BLTP1: variants seen among roughly 807,000 people sequenced by gnomAD.
BLTP1 encodes bridge-like lipid transfer protein family member 1, also known as fragile site-associated protein.
chr4:122,247,545 A>G, the BLTP1 span: 1 of 1,041,612 alleles, frequency 9.6e-7, no homozygotes, highest in South Asian at 1.9e-5. Flanking sequence ...TGTACAGAAT[A>G]GAAAATAAAC....
At chr4:122,228,436 A>C in the BLTP1 span, among the ~76,000 whole-genome samples, 2 of 152,082 alleles carry the variant, frequency 1.3e-5, no homozygotes, top group South Asian at 4.1e-4. Context: ...CCATTCTGTC[A>C]CTTCAGTTTG....
the BLTP1 span, chr4:122,247,080 G>T: frequency 6.8e-7 from 1 of 1,463,488 alleles, no homozygotes; most frequent in Non-Finnish European, 9.3e-7. Flanking sequence ...TTTTTTAAAG[G>T]AAACCTTTTA....
At chr4:122,311,986 C>T in the BLTP1 span, among the ~76,000 whole-genome samples, 1 of 152,116 alleles carries the variant, frequency 6.6e-6, no homozygotes, top group South Asian at 2.1e-4. Flanking sequence ...CTTATTAATT[C>T]ATCGTGGCTC....
chr4:122,314,668 C>T, the BLTP1 span, among the ~76,000 whole-genome samples: 3 of 152,124 alleles, frequency 2.0e-5, no homozygotes, highest in African/African-American at 4.8e-5. Flanking sequence ...CCTTAGTGCT[C>T]ATCCTAAGTT....
the BLTP1 span, chr4:122,273,239 A>C: frequency 1.4e-5 from 14 of 970,582 alleles, no homozygotes; most frequent in Non-Finnish European, 1.7e-5. Context: ...CTTTGAACCT[A>C]CTTTTTGTTA....
chr4:122,182,646 G>A, the BLTP1 span: 4 of 985,338 alleles, frequency 4.1e-6, no homozygotes, highest in Non-Finnish European at 4.8e-6. Context: ...TGACAAATGG[G>A]CAGAACTTTA....
At chr4:122,277,592 T>C in the BLTP1 span, 2 of 951,832 alleles carry the variant, frequency 2.1e-6, no homozygotes, top group East Asian at 2.3e-4. Context: ...CTTTGCTTTA[T>C]ATCTGTACTA....
chr4:122,314,122 C>A, the BLTP1 span: 1 of 984,546 alleles, frequency 1.0e-6, no homozygotes, highest in Admixed American at 6.2e-5. Context: ...CATGGAGGGA[C>A]AAACATTTAA....
chr4:122,246,580 A>T, the BLTP1 span: 106 of 1,344,422 alleles, frequency 7.9e-5, no homozygotes, highest in Non-Finnish European at 1.0e-4. Flanking sequence ...TGTCAAATAC[A>T]TAGATATGCC....
the BLTP1 span, chr4:122,262,626 C>T: frequency 9.9e-7 from 1 of 1,007,462 alleles, no homozygotes; most frequent in East Asian, 2.6e-5. Flanking sequence ...CACCACAATC[C>T]TAGTATACAT....
the BLTP1 span, chr4:122,210,844 C>G: frequency 6.3e-7 from 1 of 1,595,988 alleles, no homozygotes; most frequent in Admixed American, 1.7e-5. Context: ...CTTTTGTCCC[C>G]CACCCCTCAA....
chr4:122,271,229 A>G, the BLTP1 span: 2 of 1,613,944 alleles, frequency 1.2e-6, no homozygotes, highest in Non-Finnish European at 1.7e-6. Context: ...GCATGTAGAT[A>G]TGGCTTTGGT....
At chr4:122,200,162 A>T in the BLTP1 span, 88 of 906,528 alleles carry the variant, frequency 9.7e-5, 1 homozygote, top group South Asian at 3.8e-3. Context: ...GGAATATATA[A>T]AATACTATAA....
the BLTP1 span, chr4:122,153,026 T>G: frequency 1.0e-6 from 1 of 985,398 alleles, no homozygotes; most frequent in East Asian, 1.1e-4. Context: ...TCTCTGGGAT[T>G]GATGTGTTTT....
the BLTP1 span, chr4:122,164,455 T>C: frequency 1.0e-6 from 1 of 980,220 alleles, no homozygotes; most frequent in African/African-American, 1.7e-5. Context: ...ACTGATTAGA[T>C]TAGATTCAAG....
At chr4:122,234,735 A>G in the BLTP1 span, 2 of 1,536,182 alleles carry the variant, frequency 1.3e-6, no homozygotes, top group East Asian at 2.3e-5. Flanking sequence ...GATTTTTTTT[A>G]TGTTGTTGTT....
At chr4:122,361,892 G>C in the BLTP1 span, 1 of 885,440 alleles carries the variant, frequency 1.1e-6, no homozygotes, top group Non-Finnish European at 1.6e-6. Flanking sequence ...GGAATTATGG[G>C]CTCATTTATA....
the BLTP1 span, among the ~76,000 whole-genome samples, chr4:122,159,360 G>A: frequency 6.0e-4 from 91 of 152,086 alleles, no homozygotes; most frequent in South Asian, 1.0e-3. Context: ...CTACTCGGGA[G>A]GCTGAGGCAG....
the BLTP1 span, chr4:122,359,629 C>T: frequency 1.2e-6 from 2 of 1,612,672 alleles, no homozygotes; most frequent in East Asian, 2.2e-5. Flanking sequence ...GACGACAATT[C>T]CTCTGATAAA....
Sources: gnomAD v4.1 joint callset for allele counts (sites outside exome capture counted in the v4.1 genomes callset) on GRCh38, gnomAD v4.1.1 for gene constraint, MANE v1.5 for transcripts, NCBI Gene and HGNC (gene_info 2026-07-23, HGNC 2026-07-21) for gene names.